Variants in OR8S1 observed in about 807,000 individuals in gnomAD.
OR8S1 encodes olfactory receptor family 8 subfamily S member 1, also known as olfactory receptor 8S1.
For missense variants in OR8S1, 362 were observed against 372.1 expected (o/e 0.97, Z 0.22); for synonymous variants, 150 against 151.4 (o/e 0.99, Z 0.07).
Position 48,525,870 on chromosome 12 carries a change from A to G in OR8S1, c.239A>G (p.Lys80Arg), listed in dbSNP as rs907751072. The stretch of plus-strand genomic sequence containing the variant: ...TGCTTCTCTTCAGTCATTGTGCCCA[A>G]GATGCTGGAGAACCTCCTGTCACAG... Residue 80 changes from lysine (K) to arginine (R), a missense_variant, in exon 1 of 1, where the codon AAG (lysine) becomes AGG (arginine). Physicochemically the swap from Lys to Arg is conservative, Grantham distance 26. Coordinates refer to ENST00000641651, the Ensembl canonical transcript of OR8S1. 12 of 1,614,004 alleles carry G rather than the reference A, an allele frequency of 7.4e-6. 1 individual carries two copies. The highest frequency in any genetic ancestry group is 5.1e-6 in the Non-Finnish European group (6 of 1,180,006).
In OR8S1 at chr12:48,525,978, C is replaced by G; in HGVS notation, c.347C>G (p.Ser116Ter). ...GCAGGGACTGAAGCCTGCCTTCTCT[C>G]AGGGATGGCCTATGACCGCCATGCT... Residue 116 changes from serine (S) to a stop codon, truncating the protein, a stop_gained, in exon 1 of 1, where the codon TCA (serine) becomes TGA (stop). Coordinates refer to ENST00000641651, the Ensembl canonical transcript of OR8S1. LOFTEE classifies it low-confidence loss of function (END_TRUNC). 6.2e-7 allele frequency: 1 copy of G among 1,614,190 alleles called. No homozygotes were observed. Among genetic ancestry groups the G allele is most frequent in the Non-Finnish European group, 8.5e-7 (1 of 1,180,026 alleles).
At chr12:48,525,705 C>G (rs780530175) in exon 1 of OR8S1, 12 of 1,614,032 alleles carry the variant, frequency 7.4e-6, no homozygotes, top group African/African-American at 2.7e-5. Flanking sequence ...AACATCCGGG[C>G]TCTGCTCTTT....
exon 1 of OR8S1, chr12:48,526,513 A>G: frequency 6.2e-7 from 1 of 1,602,782 alleles, no homozygotes; most frequent in East Asian, 2.2e-5. Flanking sequence ...AAAATAAGGA[A>G]GTGAAGGTAG....
rs148809835 is a variant in OR8S1 at position 48,525,736 on chromosome 12, C to A, written c.105C>A (p.Tyr35Ter). Residue 35 changes from tyrosine to a stop codon, truncating the protein, a stop_gained, in exon 1 of 1, where the codon TAC becomes TAA. Coordinates refer to ENST00000641651, the Ensembl canonical transcript of OR8S1. LOFTEE classifies it low-confidence loss of function (END_TRUNC). ...TCTTTGTGCTGTTCCTGGGGATTTA[C>A]CTCCTGACCATAATGGAAAACCTGA... The A allele has an allele frequency of 1.2e-6, 2 of 1,614,178 alleles. No individual in the cohort carries two copies. The highest frequency in any genetic ancestry group is 1.7e-6 in the Non-Finnish European group (2 of 1,180,018).
exon 1 of OR8S1, chr12:48,526,242 T>A: frequency 6.2e-7 from 1 of 1,613,930 alleles, no homozygotes; most frequent in South Asian, 1.1e-5. Context: ...TGCTCCACTC[T>A]CCTACATGGG....
chr12:48,525,945 T>G, exon 1 of OR8S1: 1 of 1,614,180 alleles, frequency 6.2e-7, no homozygotes, highest in Non-Finnish European at 8.5e-7. Context: ...TTCTTTGTGT[T>G]TGTCACTGCA....
exon 1 of OR8S1, chr12:48,526,245 T>C: frequency 6.2e-7 from 1 of 1,613,922 alleles, no homozygotes; most frequent in Non-Finnish European, 8.5e-7. Flanking sequence ...TCCACTCTCC[T>C]ACATGGGCTG....
chr12:48,526,167 A>C, exon 1 of OR8S1: 1 of 1,614,132 alleles, frequency 6.2e-7, no homozygotes, highest in Non-Finnish European at 8.5e-7. Flanking sequence ...CACTACAGCT[A>C]TGAGATGCCA....
exon 1 of OR8S1, chr12:48,526,428 C>T (rs1463633047): frequency 1.2e-6 from 2 of 1,613,876 alleles, no homozygotes; most frequent in Non-Finnish European, 1.7e-6. Flanking sequence ...AACTCAGGTT[C>T]CCCCATAGAG....
exon 1 of OR8S1, chr12:48,525,635 G>T: frequency 6.2e-7 from 1 of 1,610,004 alleles, no homozygotes; most frequent in Non-Finnish European, 8.5e-7. Flanking sequence ...TTTGTAAATG[G>T]CCTTGGGGAA....
chr12:48,526,241 C>G, exon 1 of OR8S1: 1 of 1,614,162 alleles, frequency 6.2e-7, no homozygotes, highest in Non-Finnish European at 8.5e-7. Context: ...CTGCTCCACT[C>G]TCCTACATGG....
At chr12:48,526,369 T>C (rs889827593) in exon 1 of OR8S1, 18 of 1,614,172 alleles carry the variant, frequency 1.1e-5, no homozygotes, top group Non-Finnish European at 1.3e-5. Context: ...CCCACCTCAC[T>C]GCAGTGACAC....
At chr12:48,526,441 G>C in exon 1 of OR8S1, 1 of 1,613,778 alleles carries the variant, frequency 6.2e-7, no homozygotes, top group Non-Finnish European at 8.5e-7. Flanking sequence ...CCATAGAGTT[G>C]ATCTTCTCTG....
exon 1 of OR8S1, chr12:48,526,425 G>T: frequency 1.2e-5 from 20 of 1,613,946 alleles, no homozygotes; most frequent in Non-Finnish European, 1.7e-5. Flanking sequence ...CCAAACTCAG[G>T]TTCCCCCATA....
exon 1 of OR8S1, chr12:48,526,014 G>A (rs746245442): frequency 9.3e-6 from 15 of 1,613,980 alleles, no homozygotes; most frequent in Middle Eastern, 3.3e-4. Flanking sequence ...GCCATCTGCC[G>A]CCCACTACTT....
chr12:48,525,688 C>A (rs529566896), exon 1 of OR8S1: 1 of 1,614,110 alleles, frequency 6.2e-7, no homozygotes, highest in South Asian at 1.1e-5. Flanking sequence ...GGCTGTCTGC[C>A]GACCCCAACA....
At chr12:48,526,018 A>G in exon 1 of OR8S1, 2 of 1,614,054 alleles carry the variant, frequency 1.2e-6, no homozygotes, top group Non-Finnish European at 1.7e-6. Flanking sequence ...TCTGCCGCCC[A>G]CTACTTTATG....
At position 48,526,218 on chromosome 12, in the gene OR8S1, T is replaced by TC. The variant is rs777522962; in HGVS notation, c.588dup (p.Ile197HisfsTer93). The TC allele has an allele frequency of 5.0e-6, 8 of 1,614,022 alleles. No individual in the cohort carries two copies. ...TCCTGCTCTGATATCTCCAGAAGCC[T>TC]CATCGCCTTGCTCTGCTCCACTCTC... On this transcript the variant is annotated frameshift_variant, in exon 1 of 1. Transcript: ENST00000641651. LOFTEE classifies it low-confidence loss of function (END_TRUNC).
Position 48,526,185 on chromosome 12 carries a change from TC to T in OR8S1, c.557del (p.Pro186LeufsTer36). 1 of 1,614,044 alleles carries T rather than the reference TC, an allele frequency of 6.2e-7. No homozygotes were observed. Among genetic ancestry groups the T allele is most frequent in the Non-Finnish European group, 8.5e-7 (1 of 1,179,992 alleles). Reference sequence around the variant, plus strand: ...TACAGCTATGAGATGCCATCCCTCCTCCCTCTGTCCTGCTCTGATATCTCCA... The same window carrying T: ...TACAGCTATGAGATGCCATCCCTCCTCCTCTGTCCTGCTCTGATATCTCCA... On this transcript the variant is annotated frameshift_variant, in exon 1 of 1. Transcript: ENST00000641651. LOFTEE classifies it low-confidence loss of function (END_TRUNC).
Sources: allele counts gnomAD v4.1 joint callset, GRCh38; gene constraint gnomAD v4.1.1; transcripts MANE v1.5; gene names NCBI Gene and HGNC (gene_info 2026-07-23, HGNC 2026-07-21).